Variants in BIRC5 observed in about 807,000 individuals in gnomAD.
BIRC5 encodes baculoviral IAP repeat-containing protein 5.
BIRC5 carries 8 observed loss-of-function variants against 15.8 expected under a neutral mutation model. The ratio of observed to expected loss-of-function variants is 0.51; its 90% CI spans 0.30 to 0.91. The LOEUF (loss-of-function observed/expected upper bound fraction) is 0.91. Among genes scored for constraint, BIRC5 ranks in the 40% least tolerant of loss-of-function variants. The pLI is 0.07. For missense variants in BIRC5, 163 were observed against 178.6 expected, an observed-to-expected ratio of 0.91 and a Z score of 0.50; for synonymous variants, 56 against 64.5, an observed-to-expected ratio of 0.87 and a Z score of 0.63.
intron 2 of BIRC5, among the ~76,000 whole-genome samples, chr17:78,215,363 G>C (rs17882659): frequency 0.076 from 11,626 of 152,042 alleles, 644 homozygotes; most frequent in Middle Eastern, 0.2. Context: ...GTTGCAGTGA[G>C]CCGAGATTGT....
chr17:78,225,221 C>T lies in BIRC5; in HGVS notation c.*1667C>T, dbSNP rs17883788. 2.6e-5 allele frequency: 4 copies of T among 152,270 alleles called. No homozygotes were observed. The highest frequency in any genetic ancestry group is 4.1e-4 in the South Asian group (2 of 4,828). 9.4% of individuals were successfully genotyped at this position (152,270 alleles called of 1,614,324 possible). ...GCTGTGGGCAGGGCTGAGCTGGAGC[C>T]GCCCCTCTCAGCCCGCCTGCCACGG... On this transcript the variant is annotated 3_prime_UTR_variant, in exon 4 of 4. Coordinates refer to ENST00000350051, the MANE Select transcript of BIRC5 (RefSeq NM_001168.3).
Position 78,214,781 on chromosome 17 carries a change from C to T in BIRC5, c.213C>T (p.Asp71=), listed in dbSNP as rs772996209. Residue 71 remains aspartate (D), a synonymous_variant, in exon 2 of 4, where the codon GAC becomes GAT. Transcript: ENST00000350051. ...AGCTGGAAGGCTGGGAGCCAGATGA[C>T]GACCCCATGTAAGTCTTCTCTGGCC... ...FKELEGWEPD[D]DPIEEHKKHS... is the part of the protein sequence containing the mutation. The T allele has an allele frequency of 2.5e-6, 4 of 1,612,324 alleles. No homozygotes were observed. The highest frequency in any genetic ancestry group is 2.5e-6 in the Non-Finnish European group (3 of 1,179,182).
chr17:78,215,102 A>T (rs17879792), intron 2 of BIRC5: 17 of 284,152 alleles, frequency 6.0e-5, no homozygotes, highest in African/African-American at 2.0e-4. Context: ...GAGATTTTTT[A>T]AAAAACAGTT....
intron 1 of BIRC5, 85 bp downstream of exon 1, chr17:78,214,512 C>A (rs1419253609): frequency 2.2e-6 from 3 of 1,351,516 alleles, no homozygotes; most frequent in Non-Finnish European, 3.0e-6. Flanking sequence ...CTCGGGGGTA[C>A]AAGCCGCCCT....
chr17:78,219,747 C>T (rs1045129136), intron 3 of BIRC5, among the ~76,000 whole-genome samples: 18 of 152,192 alleles, frequency 1.2e-4, no homozygotes, highest in African/African-American at 4.1e-4. Context: ...TTTTTCACAA[C>T]CTTTTAGAAA....
rs1182045549 is a variant in BIRC5, at chr17:78,225,603, A to G, written c.*2049A>G. 1 of 152,126 alleles carries G rather than the reference A, an allele frequency of 6.6e-6. No individual in the cohort carries two copies. Among genetic ancestry groups the G allele is most frequent in the Non-Finnish European group, 1.5e-5 (1 of 68,004 alleles). The allele number at this position is 152,126 out of a possible 1,614,324, so 9.4% of individuals were successfully genotyped here. ...TCGCCATGTGGAAAGAGTAACTCACAATTGCCAATAAAGTCTCATGTGGTT... is the reference window on the plus strand; with the variant it reads ...TCGCCATGTGGAAAGAGTAACTCACGATTGCCAATAAAGTCTCATGTGGTT... On this transcript the variant is annotated 3_prime_UTR_variant, in exon 4 of 4. Transcript: ENST00000350051.
chr17:78,214,266 A>G lies in BIRC5; in HGVS notation c.-51A>G, dbSNP rs1599026372. On this transcript the variant is annotated 5_prime_UTR_variant, in exon 1 of 4. Transcript: ENST00000350051. ...CCGACATGCCCCGCGGCGCGCCATTAACCGCCAGATTTGAATCGCGGGACC... is the reference window on the plus strand; with the variant it reads ...CCGACATGCCCCGCGGCGCGCCATTGACCGCCAGATTTGAATCGCGGGACC... 6.6e-7 allele frequency: 1 copy of G among 1,526,684 alleles called. No individual in the cohort carries two copies. Among genetic ancestry groups the G allele is most frequent in the Non-Finnish European group, 8.9e-7 (1 of 1,121,876 alleles). The allele number at this position is 1,526,684 out of a possible 1,614,324, so 94.6% of individuals were successfully genotyped here.
chr17:78,219,805 C>A (rs1010738140), intron 3 of BIRC5, among the ~76,000 whole-genome samples: 4 of 152,194 alleles, frequency 2.6e-5, no homozygotes, highest in Admixed American at 2.6e-4. Flanking sequence ...AAGGCCATGA[C>A]GGGCTGTATG....
chr17:78,223,391 CT>C, intron 3 of BIRC5, 73 bp from the exon 4 acceptor site: 1 of 1,395,592 alleles, frequency 7.2e-7, no homozygotes, highest in Non-Finnish European at 9.6e-7. Flanking sequence ...TTGTTTTTTC[CT>C]TTGTCATCTT....
intron 3 of BIRC5, among the ~76,000 whole-genome samples, chr17:78,217,927 G>A (rs890640278): frequency 2.2e-4 from 34 of 151,710 alleles, no homozygotes; most frequent in African/African-American, 7.8e-4. Flanking sequence ...AAGTAATTGG[G>A]ACTACAGGCG....
chr17:78,216,815 G>C, intron 3 of BIRC5, 34 bp downstream of exon 3: 1 of 1,526,150 alleles, frequency 6.6e-7, no homozygotes. Context: ...CTCAAACCCT[G>C]TTCAATGTCT....
At chr17:78,217,987 T>C (rs2076491712) in intron 3 of BIRC5, among the ~76,000 whole-genome samples, 1 of 130,864 alleles carries the variant, frequency 7.6e-6, no homozygotes, top group South Asian at 2.5e-4. Flanking sequence ...TATTTATTTA[T>C]TTTCATAGAG....
rs1330101482 is a variant in BIRC5 at position 78,225,126 on chromosome 17, A to T, written c.*1572A>T. The T allele has an allele frequency of 6.6e-6, 1 of 152,254 alleles. No homozygotes were observed. Among genetic ancestry groups the T allele is most frequent in the African/African-American group, 2.4e-5 (1 of 41,464 alleles). 9.4% of individuals were successfully genotyped at this position (152,254 alleles called of 1,614,324 possible). A position where few individuals can be genotyped will look rare whatever the true frequency, so the allele number is the denominator to read the frequency against. ...AATTGGCTTTGTAGAGAAGCTGGAA[A>T]AAAATGGTTTTGTCTTCAACTCCTT... On this transcript the variant is annotated 3_prime_UTR_variant, in exon 4 of 4. Coordinates refer to ENST00000350051, the MANE Select transcript of BIRC5 (RefSeq NM_001168.3).
At chr17:78,220,109 C>A (rs1483641341) in intron 3 of BIRC5, among the ~76,000 whole-genome samples, 1 of 147,812 alleles carries the variant, frequency 6.8e-6, no homozygotes, top group Non-Finnish European at 1.5e-5. Flanking sequence ...AGTCCACTCA[C>A]CTGTTGGAAG....
intron 3 of BIRC5, among the ~76,000 whole-genome samples, chr17:78,221,372 C>T (rs1360874584): frequency 2.0e-5 from 3 of 152,182 alleles, no homozygotes; most frequent in East Asian, 1.9e-4. Context: ...CTGCCTCAGC[C>T]TCCCAGTAGC....
chr17:78,217,624 G>A (rs1046658073), intron 3 of BIRC5, among the ~76,000 whole-genome samples: 3 of 152,026 alleles, frequency 2.0e-5, no homozygotes, highest in African/African-American at 7.3e-5. Context: ...AGCCTCCCGA[G>A]TAGCTGGGAC....
At position 78,214,271 on chromosome 17, in the gene BIRC5, C is replaced by T. The variant is rs1198345254; in HGVS notation, c.-46C>T. On this transcript the variant is annotated 5_prime_UTR_variant, in exon 1 of 4. Coordinates refer to ENST00000350051, the MANE Select transcript of BIRC5 (RefSeq NM_001168.3). ...ATGCCCCGCGGCGCGCCATTAACCG[C>T]CAGATTTGAATCGCGGGACCCGTTG... is the stretch of plus-strand genomic sequence containing the variant. 1 of 1,547,196 alleles carries T rather than the reference C, an allele frequency of 6.5e-7. No individual in the cohort carries two copies. Among genetic ancestry groups the T allele is most frequent in the Non-Finnish European group, 8.8e-7 (1 of 1,136,748 alleles).
At chr17:78,215,979 G>A in intron 2 of BIRC5, 1 of 1,064,438 alleles carries the variant, frequency 9.4e-7, no homozygotes, top group Non-Finnish European at 1.2e-6. Flanking sequence ...GCCGGGCACG[G>A]TGGCTTACGC....
chr17:78,222,870 T>G, intron 3 of BIRC5: 1 of 1,536,074 alleles, frequency 6.5e-7, no homozygotes, highest in South Asian at 1.2e-5. Flanking sequence ...GAAGCCAGAT[T>G]CAGGGAGGGA....
Sources: allele counts gnomAD v4.1 joint callset (sites outside exome capture counted in the v4.1 genomes callset), GRCh38; gene constraint gnomAD v4.1.1; transcripts MANE v1.5; gene names NCBI Gene and HGNC (gene_info 2026-07-23, HGNC 2026-07-21).